Variants in SHISA9 observed in about 807,000 individuals in gnomAD.
The protein encoded by SHISA9 is shisa family member 9.
Under a neutral mutation model 38.0 loss-of-function variants are expected in SHISA9, and 13 were observed. That is an observed-to-expected ratio of 0.34 (90% CI 0.22 to 0.54). The LOEUF is 0.54. Among genes scored for constraint, SHISA9 ranks in the 20% least tolerant of loss-of-function variants. The pLI, the probability that SHISA9 is intolerant of heterozygous loss-of-function variation, is 0.91. For synonymous variants in SHISA9, 275 were observed against 242.0 expected, an observed-to-expected ratio of 1.14 and a Z score of -1.27; for missense variants, 538 against 575.8, an observed-to-expected ratio of 0.93 and a Z score of 0.67.
chr16:13,410,766 C>A, the SHISA9 span, among the ~76,000 whole-genome samples: 1 of 152,116 alleles, frequency 6.6e-6, no homozygotes, highest in Admixed American at 6.5e-5. Flanking sequence ...GCTCAAAGAG[C>A]TGGTGTTTAA....
At position 13,195,682 on chromosome 16, in the gene SHISA9, T is replaced by C. The variant is rs1398282629; in HGVS notation, c.692-7712T>C. ...GGCAATAGTTTAACATCAATAGCGATGAGTCATTATAGTACATATTTTTGC... is the reference window on the plus strand; with the variant it reads ...GGCAATAGTTTAACATCAATAGCGACGAGTCATTATAGTACATATTTTTGC... On this transcript the variant is annotated intron_variant, in intron 2 of 4. Transcript: ENST00000558583. Among the ~76,000 whole-genome samples the C allele has an allele frequency of 2.0e-5, 3 of 152,198 alleles. No individual in the cohort carries two copies. In the East Asian group the frequency reaches 5.8e-4, roughly 29 times the overall value.
At chr16:13,222,312 T>C (rs1209188743) in intron 4 of SHISA9, among the ~76,000 whole-genome samples, 1 of 152,150 alleles carries the variant, frequency 6.6e-6, no homozygotes, top group Non-Finnish European at 1.5e-5. Flanking sequence ...TGGGCAGCTC[T>C]ACTCCGAGTG....
the SHISA9 span, among the ~76,000 whole-genome samples, chr16:13,487,477 C>A: frequency 1.3e-5 from 2 of 152,282 alleles, no homozygotes; most frequent in East Asian, 3.9e-4. Flanking sequence ...CTGCCACACA[C>A]TTTTAAATGA....
At chr16:12,905,618 G>C (rs2071082118) in intron 1 of SHISA9, among the ~76,000 whole-genome samples, 1 of 150,362 alleles carries the variant, frequency 6.7e-6, no homozygotes, top group African/African-American at 2.4e-5. Flanking sequence ...TTGAGGCAGA[G>C]TCTCGCTCTG....
the SHISA9 span, among the ~76,000 whole-genome samples, chr16:13,560,754 G>GAA: frequency 6.9e-4 from 92 of 133,178 alleles, no homozygotes; most frequent in South Asian, 2.9e-3. Flanking sequence ...ACTAAATTAG[G>GAA]AAAAAAAAAA....
chr16:13,000,380 G>A (rs1176046090), intron 2 of SHISA9, among the ~76,000 whole-genome samples: 1 of 152,046 alleles, frequency 6.6e-6, no homozygotes, highest in African/African-American at 2.4e-5. Context: ...ACAACGACGT[G>A]GTTTTAGGTG....
At chr16:13,160,218 G>T (rs1043781061) in intron 2 of SHISA9, among the ~76,000 whole-genome samples, 16 of 152,006 alleles carry the variant, frequency 1.1e-4, no homozygotes, top group African/African-American at 3.9e-4. Flanking sequence ...GTGTGTTCTG[G>T]GTACAGATGA....
chr16:12,978,822 T>C (rs2072201280), intron 2 of SHISA9, among the ~76,000 whole-genome samples: 2 of 152,224 alleles, frequency 1.3e-5, no homozygotes, highest in Non-Finnish European at 2.9e-5. Context: ...GAGGGATGGA[T>C]AGAAGGATAG....
chr16:13,472,570 T>A, the SHISA9 span, among the ~76,000 whole-genome samples: 2 of 151,732 alleles, frequency 1.3e-5, no homozygotes, highest in Non-Finnish European at 2.9e-5. Context: ...TTTTTTGTAT[T>A]TTTAGTAGAG....
intron 2 of SHISA9, among the ~76,000 whole-genome samples, chr16:13,107,541 A>G (rs181956100): frequency 6.7e-4 from 102 of 151,838 alleles, no homozygotes; most frequent in Admixed American, 1.7e-3. Flanking sequence ...TAGTTCTAGC[A>G]AAGATCAAAT....
intron 2 of SHISA9, among the ~76,000 whole-genome samples, chr16:12,979,127 G>A (rs1318831894): frequency 6.6e-6 from 1 of 152,154 alleles, no homozygotes; most frequent in Non-Finnish European, 1.5e-5. Flanking sequence ...CTCCTTGATT[G>A]TTCCCATCGC....
At chr16:13,148,801 A>C (rs937415224) in intron 2 of SHISA9, among the ~76,000 whole-genome samples, 5 of 151,628 alleles carry the variant, frequency 3.3e-5, no homozygotes, top group African/African-American at 1.2e-4. Flanking sequence ...GAGGCCACAC[A>C]CAATCCTAGC....
intron 3 of SHISA9, among the ~76,000 whole-genome samples, chr16:13,208,681 G>T (rs1033985701): frequency 6.6e-6 from 1 of 152,086 alleles, no homozygotes; most frequent in Non-Finnish European, 1.5e-5. Context: ...ATTGTTAGTG[G>T]CTAAACCGTA....
chr16:13,545,015 T>C, the SHISA9 span, among the ~76,000 whole-genome samples: 2 of 152,176 alleles, frequency 1.3e-5, no homozygotes, highest in Non-Finnish European at 2.9e-5. Flanking sequence ...ATCATCCTTA[T>C]TTTCCTCATC....
chr16:13,017,616 T>A (rs2072773479), intron 2 of SHISA9, among the ~76,000 whole-genome samples: 1 of 152,174 alleles, frequency 6.6e-6, no homozygotes, highest in Non-Finnish European at 1.5e-5. Flanking sequence ...GCAGGCACTG[T>A]GCTGAATGCT....
chr16:13,145,910 G>C (rs1013445421), intron 2 of SHISA9, among the ~76,000 whole-genome samples: 1 of 152,174 alleles, frequency 6.6e-6, no homozygotes, highest in Non-Finnish European at 1.5e-5. Context: ...AGTGAGGGCT[G>C]GGCGAGGTGG....
chr16:13,445,397 C>G, the SHISA9 span, among the ~76,000 whole-genome samples: 5 of 152,166 alleles, frequency 3.3e-5, no homozygotes, highest in African/African-American at 1.2e-4. Context: ...GTGTCCTTTT[C>G]TGTTCATTAC....
the SHISA9 span, among the ~76,000 whole-genome samples, chr16:13,551,086 T>C: frequency 1.3e-5 from 2 of 149,418 alleles, no homozygotes; most frequent in Non-Finnish European, 3.0e-5. Flanking sequence ...ATCACGCCAC[T>C]GCACTCCAGC....
chr16:13,550,934 C>T, the SHISA9 span, among the ~76,000 whole-genome samples: 46 of 152,178 alleles, frequency 3.0e-4, 1 homozygote, highest in East Asian at 6.2e-3. Context: ...CCAGCCTGGC[C>T]AACACAGTGA....
Sources: allele counts gnomAD v4.1 joint callset (sites outside exome capture counted in the v4.1 genomes callset), GRCh38; gene constraint gnomAD v4.1.1; transcripts MANE v1.5; gene names NCBI Gene and HGNC (gene_info 2026-07-23, HGNC 2026-07-21).